COG5: variants seen among roughly 807,000 people sequenced by gnomAD.
COG5 encodes conserved oligomeric Golgi complex subunit 5.
A neutral mutation model predicts 110.4 loss-of-function variants in COG5; 86 were observed. The ratio of observed to expected loss-of-function variants is 0.78; its 90% CI spans 0.65 to 0.93. COG5 has a LOEUF of 0.93. Among genes scored for constraint, COG5 ranks in the 40% least tolerant of loss-of-function variants. COG5 has a pLI of 0.00. For synonymous variants in COG5, 360 were observed against 334.6 expected, an observed-to-expected ratio of 1.08 and a Z score of -0.83; for missense variants, 1,077 against 987.0, an observed-to-expected ratio of 1.09 and a Z score of -1.22.
chr7:107,337,526 G>A (rs1810805751), intron 10 of COG5, among the ~76,000 whole-genome samples: 1 of 152,112 alleles, frequency 6.6e-6, no homozygotes, highest in South Asian at 2.1e-4. Flanking sequence ...AGTGAAACAG[G>A]CCAAGCACAG....
intron 1 of COG5, among the ~76,000 whole-genome samples, chr7:107,563,154 C>G (rs1804042445): frequency 6.6e-6 from 1 of 152,114 alleles, no homozygotes; most frequent in African/African-American, 2.4e-5. Flanking sequence ...TTATATCTAA[C>G]TTTTCTTATT....
intron 10 of COG5, among the ~76,000 whole-genome samples, chr7:107,352,098 GCA>G (rs1444516834): frequency 1.4e-5 from 2 of 147,158 alleles, no homozygotes; most frequent in East Asian, 4.0e-4. Context: ...AGAAAATGTG[GCA>G]CATATATACC....
intron 11 of COG5, among the ~76,000 whole-genome samples, chr7:107,323,587 C>T (rs904816137): frequency 1.3e-5 from 2 of 152,052 alleles, no homozygotes; most frequent in Non-Finnish European, 2.9e-5. Flanking sequence ...TAAATGGATC[C>T]TAATATCCCA....
At chr7:107,318,635 C>G (rs2117037323) in intron 11 of COG5, among the ~76,000 whole-genome samples, 2 of 152,314 alleles carry the variant, frequency 1.3e-5, no homozygotes, top group East Asian at 3.9e-4. Flanking sequence ...CTCTTCCTGA[C>G]TTGCTGATGG....
chr7:107,306,467 A>G (rs1320556278), intron 11 of COG5, among the ~76,000 whole-genome samples: 1 of 152,224 alleles, frequency 6.6e-6, no homozygotes, highest in Non-Finnish European at 1.5e-5. Context: ...AGACCTTTGT[A>G]AAACTCAGAG....
intron 6 of COG5, among the ~76,000 whole-genome samples, chr7:107,491,246 C>T (rs1356226793): frequency 6.6e-6 from 1 of 152,042 alleles, no homozygotes; most frequent in African/African-American, 2.4e-5. Context: ...TGGAAAAGAC[C>T]AAGCAGAGAT....
intron 14 of COG5, among the ~76,000 whole-genome samples, chr7:107,262,211 A>G (rs1434822988): frequency 6.6e-6 from 1 of 152,026 alleles, no homozygotes; most frequent in Non-Finnish European, 1.5e-5. Context: ...TCTAATTCCA[A>G]TAATTCAGTA....
intron 6 of COG5, among the ~76,000 whole-genome samples, chr7:107,441,289 C>A (rs1458769971): frequency 2.0e-5 from 3 of 148,454 alleles, no homozygotes; most frequent in Non-Finnish European, 4.5e-5. Context: ...AATTACCAAT[C>A]CTGAGGAGGG....
chr7:107,303,347 G>C lies in COG5; in HGVS notation c.1109-5001C>G, dbSNP rs116078861. Among the ~76,000 whole-genome samples, 803 of 152,166 alleles carry C rather than the reference G, an allele frequency of 5.3e-3. 8 individuals carry two copies. Among genetic ancestry groups the C allele is most frequent in the African/African-American group, 0.019 (781 of 41,522 alleles). Reference sequence around the variant, plus strand: ...AGCAAATGTGATTGATTAATTAACTGTAAGTTACTTAAGTCAATTATATTT... The same window carrying C: ...AGCAAATGTGATTGATTAATTAACTCTAAGTTACTTAAGTCAATTATATTT... On this transcript the variant is annotated intron_variant, in intron 11 of 21. Coordinates refer to ENST00000297135, the MANE Select transcript of COG5 (RefSeq NM_006348.5).
chr7:107,447,765 C>T (rs900458421), intron 6 of COG5, among the ~76,000 whole-genome samples: 1 of 152,154 alleles, frequency 6.6e-6, no homozygotes, highest in Non-Finnish European at 1.5e-5. Context: ...TTCTCTTTTT[C>T]TTTTAAAATC....
intron 7 of COG5, among the ~76,000 whole-genome samples, chr7:107,388,057 C>T (rs1046293258): frequency 7.9e-5 from 12 of 152,212 alleles, no homozygotes; most frequent in Non-Finnish European, 1.3e-4. Flanking sequence ...CCAAGCCACC[C>T]AATCACATCA....
intron 2 of COG5, among the ~76,000 whole-genome samples, chr7:107,555,821 G>A (rs895780388): frequency 6.6e-6 from 1 of 152,030 alleles, no homozygotes; most frequent in Non-Finnish European, 1.5e-5. Flanking sequence ...AGACCAGCCT[G>A]GCCAACATGG....
chr7:107,240,528 T>C (rs1801531411), intron 17 of COG5, among the ~76,000 whole-genome samples: 2 of 152,198 alleles, frequency 1.3e-5, no homozygotes, highest in Non-Finnish European at 2.9e-5. Context: ...TGATTACTCT[T>C]TAAATAGCAG....
intron 6 of COG5, among the ~76,000 whole-genome samples, chr7:107,496,689 A>C (rs1456692827): frequency 6.6e-6 from 1 of 151,706 alleles, no homozygotes; most frequent in African/African-American, 2.4e-5. Flanking sequence ...AAACAAAAAA[A>C]CAATCAATAT....
intron 3 of COG5, among the ~76,000 whole-genome samples, chr7:107,552,734 T>C (rs930085769): frequency 4.6e-5 from 7 of 152,168 alleles, no homozygotes; most frequent in African/African-American, 1.7e-4. Context: ...AACTCAGAAC[T>C]ACCATTTGAC....
intron 11 of COG5, among the ~76,000 whole-genome samples, chr7:107,307,466 A>G (rs1433917029): frequency 6.6e-5 from 10 of 152,200 alleles, no homozygotes; most frequent in Non-Finnish European, 1.3e-4. Flanking sequence ...CTGTGTATCC[A>G]TCACTTAGTT....
intron 6 of COG5, among the ~76,000 whole-genome samples, chr7:107,502,133 T>C (rs1325264240): frequency 1.3e-5 from 2 of 152,140 alleles, no homozygotes; most frequent in Non-Finnish European, 2.9e-5. Flanking sequence ...GTGTACTTTG[T>C]ACCTAATATG....
At chr7:107,473,955 A>ATT (rs11453718) in intron 6 of COG5, 229 of 524,270 alleles carry the variant, frequency 4.4e-4, no homozygotes, top group South Asian at 1.7e-3. Flanking sequence ...CAATTGAAAG[A>ATT]TTTTTTTTCT....
rs765170690 is a variant in COG5 at position 107,558,061 on chromosome 7, T to G, written c.149A>C (p.Gln50Pro). 1 of 1,613,992 alleles carries G rather than the reference T, an allele frequency of 6.2e-7. No homozygotes were observed. Among genetic ancestry groups the G allele is most frequent in the East Asian group, 2.2e-5 (1 of 44,836 alleles). Residue 50 changes from glutamine to proline, a missense_variant, in exon 2 of 22, where the codon CAA (glutamine) becomes CCA (proline). Physicochemically the swap from Gln to Pro is moderately conservative, Grantham distance 76. Transcript: ENST00000297135. ...EDFDVKTYTS[Q>P]SIHQAVIAEQ... ...AGCAATTACAGCTTGATGAATAGAT[T>G]GAGAAGTATAAGTCTTTACATCAAA...
Sources: gnomAD v4.1 joint callset for allele counts (sites outside exome capture counted in the v4.1 genomes callset) on GRCh38, gnomAD v4.1.1 for gene constraint, MANE v1.5 for transcripts, NCBI Gene and HGNC (gene_info 2026-07-23, HGNC 2026-07-21) for gene names.